LINGO2: variants seen among roughly 807,000 people sequenced by gnomAD.
The protein encoded by LINGO2 is leucine-rich repeat and immunoglobulin-like domain-containing nogo receptor-interacting protein 2.
A neutral mutation model predicts 30.6 loss-of-function variants in LINGO2; 14 were observed. The observed-to-expected ratio is 0.46, with a 90% CI of 0.30 to 0.72. LINGO2 has a LOEUF of 0.72. Ranked by LOEUF, LINGO2 falls within the 30% of genes least tolerant of loss-of-function variation. The pLI, the probability that LINGO2 is intolerant of heterozygous loss-of-function variation, is 0.07. For synonymous variants in LINGO2, 317 were observed against 288.5 expected, an observed-to-expected ratio of 1.10 and a Z score of -1.00; for missense variants, 729 against 751.7, an observed-to-expected ratio of 0.97 and a Z score of 0.35.
At chr9:28,470,827 A>G (rs190819634) in intron 2 of LINGO2, among the ~76,000 whole-genome samples, 18 of 150,584 alleles carry the variant, frequency 1.2e-4, no homozygotes, top group African/African-American at 2.9e-4. Flanking sequence ...TTAGGCTTGC[A>G]TACATTTAAT....
the LINGO2 span, among the ~76,000 whole-genome samples, chr9:28,707,772 G>C: frequency 6.6e-6 from 1 of 152,126 alleles, no homozygotes; most frequent in African/African-American, 2.4e-5. Flanking sequence ...GGTGGTGAAG[G>C]GTGGGAGGAA....
At chr9:28,786,464 G>A in the LINGO2 span, among the ~76,000 whole-genome samples, 2 of 152,022 alleles carry the variant, frequency 1.3e-5, no homozygotes, top group African/African-American at 4.8e-5. Flanking sequence ...TTGAGTAAAT[G>A]TTCCATAGAA....
chr9:28,208,326 T>C (rs1303407108), intron 4 of LINGO2, among the ~76,000 whole-genome samples: 1 of 152,136 alleles, frequency 6.6e-6, no homozygotes, highest in Non-Finnish European at 1.5e-5. Flanking sequence ...ACTGAATTTA[T>C]AGACACAAAT....
rs551964808 is a variant in LINGO2 at position 28,467,309 on chromosome 9, G to T, written c.-279+8631C>A. Among the ~76,000 whole-genome samples the T allele has an allele frequency of 7.4e-4, 113 of 152,022 alleles. 1 individual carries two copies. The highest frequency in any genetic ancestry group is 2.5e-3 in the African/African-American group (102 of 41,470). ...CCCAAAGTGCTGGGATTACAGGTGT[G>T]AGCCACCATGCCTGGCCCCCTAGCT... On this transcript the variant is annotated intron_variant, in intron 2 of 5. Coordinates refer to ENST00000379992, the Ensembl canonical transcript of LINGO2.
At chr9:28,603,564 A>T (rs1235267431) in intron 1 of LINGO2, among the ~76,000 whole-genome samples, 1 of 152,086 alleles carries the variant, frequency 6.6e-6, no homozygotes, top group African/African-American at 2.4e-5. Flanking sequence ...CAATATTTTT[A>T]AAAGATACAA....
intron 4 of LINGO2, among the ~76,000 whole-genome samples, chr9:28,073,102 T>C (rs17698297): frequency 0.031 from 4,700 of 152,026 alleles, 126 homozygotes; most frequent in Admixed American, 0.082. Context: ...AGATACCAAC[T>C]AGACGGTGTG....
intron 1 of LINGO2, among the ~76,000 whole-genome samples, chr9:28,504,779 G>A (rs1820039383): frequency 6.6e-6 from 1 of 151,824 alleles, no homozygotes; most frequent in African/African-American, 2.4e-5. Flanking sequence ...AGTTAGCTGG[G>A]AAATAAAACT....
At chr9:28,470,963 T>C (rs1305610381) in intron 2 of LINGO2, among the ~76,000 whole-genome samples, 4 of 148,352 alleles carry the variant, frequency 2.7e-5, no homozygotes, top group Admixed American at 2.0e-4. Flanking sequence ...ATTTTCTTTA[T>C]ATATGTTATA....
At chr9:28,838,995 T>A in the LINGO2 span, among the ~76,000 whole-genome samples, 1 of 152,174 alleles carries the variant, frequency 6.6e-6, no homozygotes, top group East Asian at 1.9e-4. Flanking sequence ...ACCAGGCATA[T>A]CGCAAGTGGC....
chr9:28,012,902 C>T (rs1344722053), intron 4 of LINGO2, among the ~76,000 whole-genome samples: 1 of 152,186 alleles, frequency 6.6e-6, no homozygotes, highest in Non-Finnish European at 1.5e-5. Flanking sequence ...CTTTGGACAG[C>T]AGCAGAATCA....
the LINGO2 span, among the ~76,000 whole-genome samples, chr9:28,837,904 G>T: frequency 4.6e-5 from 7 of 151,368 alleles, no homozygotes. Context: ...AGAAAAAGTA[G>T]ATTTAAATTT....
At chr9:29,185,458 G>C in the LINGO2 span, among the ~76,000 whole-genome samples, 1 of 151,988 alleles carries the variant, frequency 6.6e-6, no homozygotes, top group Admixed American at 6.5e-5. Context: ...TACTTTAAAC[G>C]CATTGCTTAA....
At chr9:28,055,457 T>C (rs1179966791) in intron 4 of LINGO2, among the ~76,000 whole-genome samples, 2 of 152,130 alleles carry the variant, frequency 1.3e-5, no homozygotes, top group East Asian at 3.9e-4. Flanking sequence ...GCAAGTCTGT[T>C]TGCATAAAAT....
the LINGO2 span, among the ~76,000 whole-genome samples, chr9:28,768,524 T>C: frequency 9.2e-5 from 14 of 151,898 alleles, no homozygotes; most frequent in Non-Finnish European, 1.9e-4. Context: ...AAGTGGGCAA[T>C]TGGATTTCAA....
chr9:28,078,814 C>T (rs937895942), intron 4 of LINGO2, among the ~76,000 whole-genome samples: 1 of 146,708 alleles, frequency 6.8e-6, no homozygotes, highest in Non-Finnish European at 1.5e-5. Context: ...CGCCATTGCA[C>T]TCCAGCCTGG....
At chr9:28,285,097 A>C (rs1012370441) in intron 4 of LINGO2, among the ~76,000 whole-genome samples, 2 of 152,198 alleles carry the variant, frequency 1.3e-5, no homozygotes, top group African/African-American at 4.8e-5. Context: ...GCATTGTGCT[A>C]AGCACTGGCC....
At chr9:28,086,024 A>C (rs1825903451) in intron 4 of LINGO2, among the ~76,000 whole-genome samples, 2 of 152,122 alleles carry the variant, frequency 1.3e-5, no homozygotes, top group Non-Finnish European at 2.9e-5. Context: ...GAACAGCTGT[A>C]TAAAAATATT....
chr9:28,303,624 T>G (rs1564108033), intron 3 of LINGO2, among the ~76,000 whole-genome samples: 1 of 152,110 alleles, frequency 6.6e-6, no homozygotes, highest in Non-Finnish European at 1.5e-5. Context: ...TGTGCTCTAT[T>G]TATTAAATAC....
the LINGO2 span, among the ~76,000 whole-genome samples, chr9:28,978,564 T>C: frequency 3.2e-4 from 49 of 152,136 alleles, no homozygotes; most frequent in African/African-American, 1.1e-3. Context: ...GAATAAGTAC[T>C]TGTACAATGC....
Sources: allele counts gnomAD v4.1 joint callset (sites outside exome capture counted in the v4.1 genomes callset), GRCh38; gene constraint gnomAD v4.1.1; transcripts MANE v1.5; gene names NCBI Gene and HGNC (gene_info 2026-07-23, HGNC 2026-07-21).